The following TXNDC16 variants were observed in gnomAD, a reference collection of about 807,000 sequenced individuals.
TXNDC16 encodes thioredoxin domain-containing protein 16.
In TXNDC16, 74 loss-of-function variants were observed where a neutral mutation model predicts 85.6. That is an observed-to-expected ratio of 0.86 (90% CI 0.72 to 1.05). The LOEUF (loss-of-function observed/expected upper bound fraction) is 1.05. Ranked by LOEUF, TXNDC16 falls within the 50% of genes least tolerant of loss-of-function variation. TXNDC16 has a pLI of 0.00. For synonymous variants in TXNDC16, 335 were observed against 326.5 expected (o/e 1.03, Z -0.28); for missense variants, 959 against 947.0 (o/e 1.01, Z -0.17).
In TXNDC16 at chr14:52,470,493, A is replaced by G. The variant is rs765236903; in HGVS notation, c.1481+19T>C. 4 of 1,602,716 alleles carry G rather than the reference A, an allele frequency of 2.5e-6. No homozygotes were observed. Among genetic ancestry groups the G allele is most frequent in the Non-Finnish European group, 2.6e-6 (3 of 1,175,880 alleles). Reference sequence around the variant, plus strand: ...AGACCTAAACATTCAGAGATCTTATAATGAAGCTGAATACTTACAGCTGGA... The same window carrying G: ...AGACCTAAACATTCAGAGATCTTATGATGAAGCTGAATACTTACAGCTGGA... On this transcript the variant is annotated intron_variant, in intron 15 of 20. Transcript: ENST00000281741.
chr14:52,489,934 T>A (rs1156450145), intron 11 of TXNDC16, among the ~76,000 whole-genome samples: 1 of 152,158 alleles, frequency 6.6e-6, no homozygotes, highest in Admixed American at 6.5e-5. Context: ...CCTCTGGGGC[T>A]CAAGTGATTC....
At chr14:52,452,910 A>T (rs974554024) in intron 18 of TXNDC16, among the ~76,000 whole-genome samples, 4 of 152,180 alleles carry the variant, frequency 2.6e-5, no homozygotes, top group Non-Finnish European at 4.4e-5. Flanking sequence ...ACAGAATGGG[A>T]GAAAATATCT....
intron 6 of TXNDC16, 41 bp downstream of exon 6, chr14:52,536,678 A>G (rs778710435): frequency 9.5e-6 from 14 of 1,469,976 alleles, no homozygotes; most frequent in Non-Finnish European, 1.3e-5. Context: ...TCAACAGATA[A>G]GTAACAAGTA....
At chr14:52,525,936 C>T (rs983662958) in intron 6 of TXNDC16, among the ~76,000 whole-genome samples, 3 of 151,840 alleles carry the variant, frequency 2.0e-5, no homozygotes, top group Non-Finnish European at 4.4e-5. Context: ...AAATCACTTA[C>T]TTATCATACC....
chr14:52,528,787 G>A (rs950107780), intron 6 of TXNDC16, among the ~76,000 whole-genome samples: 1 of 147,568 alleles, frequency 6.8e-6, no homozygotes, highest in African/African-American at 2.5e-5. Flanking sequence ...AAATTAGTAT[G>A]CAAAAATCAA....
chr14:52,480,296 C>T (rs984179823), intron 14 of TXNDC16, among the ~76,000 whole-genome samples: 3 of 152,114 alleles, frequency 2.0e-5, no homozygotes, highest in Middle Eastern at 3.4e-3. Context: ...AAAGCAAACA[C>T]AATAAAAACA....
At chr14:52,548,111 C>T (rs2037976188) in intron 1 of TXNDC16, among the ~76,000 whole-genome samples, 2 of 152,124 alleles carry the variant, frequency 1.3e-5, no homozygotes, top group Non-Finnish European at 2.9e-5. Flanking sequence ...AGCCCAAGTC[C>T]CAGAAAGAGA....
intron 9 of TXNDC16, among the ~76,000 whole-genome samples, chr14:52,493,204 TATATATATATATAC>T (rs1287710065): frequency 2.8e-5 from 3 of 108,166 alleles, no homozygotes; most frequent in East Asian, 4.7e-4. Context: ...TATATATATA[TATATATATATATAC>T]ACACACACAC....
intron 4 of TXNDC16, among the ~76,000 whole-genome samples, chr14:52,541,989 A>G (rs950655486): frequency 2.0e-5 from 3 of 152,150 alleles, no homozygotes; most frequent in African/African-American, 4.8e-5. Flanking sequence ...CCATTTTGTT[A>G]CTTCAGTTTG....
At chr14:52,499,370 C>A (rs1360261352) in intron 9 of TXNDC16, among the ~76,000 whole-genome samples, 1 of 151,956 alleles carries the variant, frequency 6.6e-6, no homozygotes, top group African/African-American at 2.4e-5. Context: ...AAAATGTCTG[C>A]AAAACATATA....
chr14:52,478,830 C>T (rs2036078018), intron 14 of TXNDC16, among the ~76,000 whole-genome samples: 1 of 152,024 alleles, frequency 6.6e-6, no homozygotes, highest in Non-Finnish European at 1.5e-5. Flanking sequence ...CAGTATCACC[C>T]TAATACCAAA....
chr14:52,498,405 TCACACA>T (rs140586435), intron 9 of TXNDC16, among the ~76,000 whole-genome samples: 22,795 of 146,156 alleles, frequency 0.16, 1,701 homozygotes, highest in African/African-American at 0.17. Context: ...ACCCTAAAGA[TCACACA>T]CACACACACA....
intron 1 of TXNDC16, among the ~76,000 whole-genome samples, chr14:52,549,466 G>A (rs1383914732): frequency 6.6e-6 from 1 of 152,146 alleles, no homozygotes; most frequent in Non-Finnish European, 1.5e-5. Flanking sequence ...CATCAAGGAG[G>A]AAGTACTTCA....
intron 16 of TXNDC16, among the ~76,000 whole-genome samples, chr14:52,457,539 G>C (rs1594694061): frequency 6.6e-6 from 1 of 152,188 alleles, no homozygotes; most frequent in African/African-American, 2.4e-5. Flanking sequence ...CCTGAAAAGA[G>C]AAGTAGGTAT....
chr14:52,447,124 C>A (rs2140107514), intron 18 of TXNDC16, among the ~76,000 whole-genome samples: 1 of 151,966 alleles, frequency 6.6e-6, no homozygotes, highest in Admixed American at 6.5e-5. Context: ...CAATTCTAGG[C>A]CTTGGCTCTT....
At chr14:52,513,702 T>TTA (rs1438315944) in intron 8 of TXNDC16, among the ~76,000 whole-genome samples, 1 of 151,476 alleles carries the variant, frequency 6.6e-6, no homozygotes, top group Non-Finnish European at 1.5e-5. Context: ...CACATATATA[T>TTA]TATATATATA....
chr14:52,460,317 G>GA (rs1333655847), intron 16 of TXNDC16, among the ~76,000 whole-genome samples: 2 of 151,968 alleles, frequency 1.3e-5, no homozygotes, highest in African/African-American at 4.8e-5. Flanking sequence ...TCATGAATGG[G>GA]AAAAAACAAT....
rs540636991 is a variant in TXNDC16, at chr14:52,482,275, T to C, written c.1267A>G (p.Met423Val). The C allele has an allele frequency of 1.2e-6, 2 of 1,612,066 alleles. No individual in the cohort carries two copies. Among genetic ancestry groups the C allele is most frequent in the African/African-American group, 1.3e-5 (1 of 75,000 alleles). Reference sequence around the variant, plus strand: ...TCAATATAGGATTGCAAAAATGCCATGGATACTGCTTGCCCTATATGAAAA... The same window carrying C: ...TCAATATAGGATTGCAAAAATGCCACGGATACTGCTTGCCCTATATGAAAA... ...LFYAGWQAVS[M>V]AFLQSYIDVA... The change falls in exon 14 of 21, where the codon ATG becomes GTG. Residue 423 changes from methionine to valine, a missense_variant. By Grantham distance (21) the Met-to-Val change is conservative. Transcript: ENST00000281741.
In TXNDC16 at chr14:52,432,405, C is replaced by A; in HGVS notation, c.2377G>T (p.Glu793Ter). 6.2e-7 allele frequency: 1 copy of A among 1,613,992 alleles called. No homozygotes were observed. Among genetic ancestry groups the A allele is most frequent in the Non-Finnish European group, 8.5e-7 (1 of 1,179,958 alleles). ...DKSAVRKEPI[E>*]TLRIKHWNRS... ...TTCCAATGCTTTATTCTCAGAGTTTCAATCGGTTCTTTTCTGACTGCCGAT... is the reference window on the plus strand; with the variant it reads ...TTCCAATGCTTTATTCTCAGAGTTTAAATCGGTTCTTTTCTGACTGCCGAT... The change falls in exon 21 of 21, where the codon GAA (glutamate) becomes TAA (stop). Residue 793 changes from glutamate (E) to a stop codon, truncating the protein, a stop_gained. Coordinates refer to ENST00000281741, the MANE Select transcript of TXNDC16 (RefSeq NM_020784.3). LOFTEE classifies it low-confidence loss of function (END_TRUNC).
Sources: allele counts gnomAD v4.1 joint callset (sites outside exome capture counted in the v4.1 genomes callset), GRCh38; gene constraint gnomAD v4.1.1; transcripts MANE v1.5; gene names NCBI Gene and HGNC (gene_info 2026-07-23, HGNC 2026-07-21).